The following GAB4 variants were observed in gnomAD, a reference collection of about 807,000 sequenced individuals.
The protein encoded by GAB4 is GRB2-associated-binding protein 4.
Under a neutral mutation model 51.3 loss-of-function variants are expected in GAB4, and 26 were observed. The ratio of observed to expected loss-of-function variants is 0.51; its 90% CI spans 0.37 to 0.70. The LOEUF (loss-of-function observed/expected upper bound fraction) is 0.70. Ranked by LOEUF, GAB4 falls within the 30% of genes least tolerant of loss-of-function variation. The probability of loss-of-function intolerance (pLI) is 0.00; values close to 1 mark genes in which losing one functional copy is unlikely to be tolerated. For synonymous variants in GAB4, 329 were observed against 291.2 expected (o/e 1.13, Z -1.32); for missense variants, 759 against 734.6 (o/e 1.03, Z -0.38).
At chr22:16,971,358 A>C (rs1022732558) in intron 3 of GAB4, among the ~76,000 whole-genome samples, 1 of 152,150 alleles carries the variant, frequency 6.6e-6, no homozygotes, top group African/African-American at 2.4e-5. Context: ...CCAGCGTCAC[A>C]GTGATTTCCA....
rs772258980 is a variant in GAB4 at position 16,966,125 on chromosome 22, G to C, written c.1263C>G (p.Asn421Lys). The change falls in exon 6 of 10, where the codon AAC becomes AAG. Residue 421 changes from asparagine (N) to lysine (K), a missense_variant. Around this residue, in one of 3 missense-constraint regions of GAB4, gnomAD observed 588 missense variants for 510.2 expected, o/e 1.15. Transcript: ENST00000400588. The part of the protein sequence containing the change: ...QGHEVQLPPV[N>K]RSLKPNQKAN... ...CCTTCTGGTTAGGCTTGAGGCTGCGGTTGACAGGGGGCAGCTGGACCTCAT... is the reference window on the plus strand; with the variant it reads ...CCTTCTGGTTAGGCTTGAGGCTGCGCTTGACAGGGGGCAGCTGGACCTCAT... 4 of 1,613,956 alleles carry C rather than the reference G, an allele frequency of 2.5e-6. No homozygotes were observed. In the African/African-American group the frequency reaches 5.3e-5, roughly 22 times the overall value.
In GAB4 at chr22:16,962,386, A is replaced by G; in HGVS notation, c.*347T>C. 5.3e-6 allele frequency: 1 copy of G among 188,494 alleles called. No homozygotes were observed. Among genetic ancestry groups the G allele is most frequent in the Non-Finnish European group, 1.1e-5 (1 of 92,538 alleles). The allele number at this position is 188,494 out of a possible 1,614,324, so 11.7% of individuals were successfully genotyped here. A position where few individuals can be genotyped will look rare whatever the true frequency, so the allele number is the denominator to read the frequency against. The stretch of plus-strand genomic sequence containing the variant: ...GTGGGCCTTGGGTCCCCGGGTCAGC[A>G]AGGTAGCTCCTCATGTTCCAGGATT... On this transcript the variant is annotated 3_prime_UTR_variant, in exon 10 of 10. Coordinates refer to ENST00000400588, the MANE Select transcript of GAB4 (RefSeq NM_001037814.1).
At chr22:16,997,432 T>C (rs538602643) in intron 1 of GAB4, among the ~76,000 whole-genome samples, 28 of 152,372 alleles carry the variant, frequency 1.8e-4, no homozygotes, top group African/African-American at 6.7e-4. Flanking sequence ...GTTGGCTGCA[T>C]AAATGTCTTC....
At chr22:17,006,110 C>T (rs1474329274) in intron 1 of GAB4, among the ~76,000 whole-genome samples, 1 of 152,064 alleles carries the variant, frequency 6.6e-6, no homozygotes, top group African/African-American at 2.4e-5. Context: ...GAAATTTTTT[C>T]CAATCTATCC....
At chr22:16,997,942 G>T (rs1335427529) in intron 1 of GAB4, among the ~76,000 whole-genome samples, 1 of 152,204 alleles carries the variant, frequency 6.6e-6, no homozygotes, top group African/African-American at 2.4e-5. Context: ...GTTTGTCAAA[G>T]ATCAGATGGT....
intron 3 of GAB4, among the ~76,000 whole-genome samples, chr22:16,975,136 GC>G (rs1446491294): frequency 6.6e-6 from 1 of 152,152 alleles, no homozygotes; most frequent in Non-Finnish European, 1.5e-5. Context: ...CCCTAGTGGC[GC>G]CTGGAATGCC....
chr22:16,967,208 A>AT (rs1490404880), intron 5 of GAB4: 1 of 152,432 alleles, frequency 6.6e-6, no homozygotes, highest in Non-Finnish European at 1.5e-5. Context: ...GCCGTGCACC[A>AT]TGCAGGTGTG....
In GAB4 at chr22:16,962,525, G is replaced by T. The variant is rs2060637215; in HGVS notation, c.*208C>A. On this transcript the variant is annotated 3_prime_UTR_variant, in exon 10 of 10. Coordinates refer to ENST00000400588, the MANE Select transcript of GAB4 (RefSeq NM_001037814.1). ...GGGCAGGAAGAGACTGAGGATGCTT[G>T]CTGGCAACTGCTCCTAGCAAGGGGG... The T allele has an allele frequency of 4.8e-6, 2 of 418,874 alleles. No homozygotes were observed. Among genetic ancestry groups the T allele is most frequent in the Middle Eastern group, 6.2e-4 (1 of 1,618 alleles). 25.9% of individuals were successfully genotyped at this position (418,874 alleles called of 1,614,324 possible). A position where few individuals can be genotyped will look rare whatever the true frequency, so the allele number is the denominator to read the frequency against.
In GAB4 at chr22:16,965,204, A is replaced by T. The variant is rs2060662213; in HGVS notation, c.1353T>A (p.Pro451=). The change falls in exon 7 of 10, where the codon CCT becomes CCA. Residue 451 remains proline, a synonymous_variant. Coordinates refer to ENST00000400588, the MANE Select transcript of GAB4 (RefSeq NM_001037814.1). ...RVINELSFKP[P]VTEPWSGTSH... is the part of the protein sequence containing the mutation. ...TGGTCCCAGACCAGGGCTCTGTGAC[A>T]GGTGGCTTGAAGGAGAGCTCATTGA... 2 of 1,614,010 alleles carry T rather than the reference A, an allele frequency of 1.2e-6. No individual in the cohort carries two copies. Among genetic ancestry groups the T allele is most frequent in the African/African-American group, 2.7e-5 (2 of 75,054 alleles).
chr22:17,002,103 G>A (rs570109701), intron 1 of GAB4, among the ~76,000 whole-genome samples: 84 of 152,114 alleles, frequency 5.5e-4, no homozygotes, highest in Admixed American at 1.2e-3. Context: ...CTGACCCCTT[G>A]TGCTTCCCGG....
At chr22:16,966,623 T>C (rs1228889967) in intron 5 of GAB4, 1 of 483,984 alleles carries the variant, frequency 2.1e-6, no homozygotes, top group Non-Finnish European at 3.7e-6. Flanking sequence ...ACAGTCAACA[T>C]GTAAAAGTGG....
chr22:17,007,582 G>A (rs1192432615), intron 1 of GAB4, among the ~76,000 whole-genome samples: 2 of 150,706 alleles, frequency 1.3e-5, no homozygotes, highest in Non-Finnish European at 1.5e-5. Context: ...AGGGTGCGAG[G>A]TGCCCGCCAT....
At chr22:16,972,328 C>G (rs1379294343) in intron 3 of GAB4, among the ~76,000 whole-genome samples, 4 of 152,216 alleles carry the variant, frequency 2.6e-5, no homozygotes, top group Non-Finnish European at 4.4e-5. Flanking sequence ...CAAAGCCTTC[C>G]ATCTGAGTGA....
At chr22:16,981,428 G>A (rs1202666650) in intron 3 of GAB4, among the ~76,000 whole-genome samples, 2 of 151,812 alleles carry the variant, frequency 1.3e-5, no homozygotes, top group African/African-American at 2.4e-5. Flanking sequence ...AATAAAATCA[G>A]AGCCAAAAAA....
intron 1 of GAB4, among the ~76,000 whole-genome samples, chr22:16,993,907 C>T (rs2123710373): frequency 6.6e-6 from 1 of 152,276 alleles, no homozygotes; most frequent in South Asian, 2.1e-4. Context: ...TAGCCCTGGA[C>T]CTTGTCACTG....
At chr22:16,981,551 A>G (rs2060827544) in intron 3 of GAB4, among the ~76,000 whole-genome samples, 1 of 152,172 alleles carries the variant, frequency 6.6e-6, no homozygotes, top group African/African-American at 2.4e-5. Context: ...TCCTACACAA[A>G]TACAACCTAG....
chr22:16,964,897 G>GA, intron 7 of GAB4, 35 bp from the exon 8 acceptor site: 1 of 1,540,664 alleles, frequency 6.5e-7, no homozygotes. Flanking sequence ...TACATCCTGG[G>GA]TGGGGCTCAG....
At chr22:16,965,392 C>G (rs1424878240) in intron 6 of GAB4, 124 bp from the exon 7 acceptor site, 1 of 717,342 alleles carries the variant, frequency 1.4e-6, no homozygotes, top group East Asian at 2.8e-5. Context: ...CAGCTGTGTG[C>G]GGGGGACTGA....
chr22:16,969,094 T>C (rs1404748465), intron 4 of GAB4, among the ~76,000 whole-genome samples: 1 of 152,264 alleles, frequency 6.6e-6, no homozygotes, highest in Admixed American at 6.5e-5. Context: ...GAGGAGGTTA[T>C]ATGCAGATAT....
Sources: gnomAD v4.1 joint callset for allele counts (sites outside exome capture counted in the v4.1 genomes callset) on GRCh38, gnomAD v4.1.1 for gene constraint, gnomAD v4.1.1 regional missense constraint, MANE v1.5 for transcripts, NCBI Gene and HGNC (gene_info 2026-07-23, HGNC 2026-07-21) for gene names.